SLC39A8: variants seen among roughly 807,000 people sequenced by gnomAD.
The protein encoded by SLC39A8 is solute carrier family 39 member 8.
In SLC39A8, 15 loss-of-function variants were observed where a neutral mutation model predicts 40.4. The ratio of observed to expected loss-of-function variants is 0.37; its 90% CI spans 0.25 to 0.57. The LOEUF is 0.57. Among genes scored for constraint, SLC39A8 ranks in the 20% least tolerant of loss-of-function variants. The probability of loss-of-function intolerance (pLI) is 0.75; values close to 1 mark genes in which losing one functional copy is unlikely to be tolerated. For synonymous variants in SLC39A8, 223 were observed against 221.6 expected (o/e 1.01, Z -0.06); for missense variants, 472 against 558.8 (o/e 0.84, Z 1.57).
chr4:102,339,568 A>G (rs73834754), intron 2 of SLC39A8, among the ~76,000 whole-genome samples: 56 of 152,342 alleles, frequency 3.7e-4, no homozygotes, highest in African/African-American at 1.1e-3. Context: ...CTGGCATCAC[A>G]GGGTCAGAAG....
chr4:102,251,964 T>C (rs552729226), exon 12 of SLC39A8: 2 of 152,384 alleles, frequency 1.3e-5, no homozygotes, highest in South Asian at 4.1e-4. Context: ...GCAGCACATT[T>C]TGATGGCATA....
At chr4:102,258,987 C>G (rs982791642), downstream of SLC39A8, among the ~76,000 whole-genome samples, 1 of 152,222 alleles carries the variant, frequency 6.6e-6, no homozygotes, top group African/African-American at 2.4e-5. Context: ...TCCCAACAAA[C>G]TCTACGACTG....
intron 6 of SLC39A8, among the ~76,000 whole-genome samples, chr4:102,278,973 C>A (rs1217575524): frequency 1.3e-5 from 2 of 151,320 alleles, no homozygotes. Context: ...GGGAGGGAAA[C>A]ATCACACACT....
At chr4:102,267,174 C>T (rs1228715995) in intron 8 of SLC39A8, among the ~76,000 whole-genome samples, 20 of 152,090 alleles carry the variant, frequency 1.3e-4, no homozygotes. Flanking sequence ...TAGGGACATA[C>T]TATAACATAA....
intron 2 of SLC39A8, among the ~76,000 whole-genome samples, chr4:102,321,248 T>C (rs201240987): frequency 6.6e-6 from 1 of 151,966 alleles, no homozygotes; most frequent in African/African-American, 2.4e-5. Context: ...GCAGAGGAAA[T>C]AGTCAAAAAC....
chr4:102,275,849 C>T (rs1220868096), intron 6 of SLC39A8, among the ~76,000 whole-genome samples: 2 of 152,180 alleles, frequency 1.3e-5, no homozygotes, highest in African/African-American at 4.8e-5. Context: ...AACCACACAA[C>T]TACATGGAAA....
intron 6 of SLC39A8, among the ~76,000 whole-genome samples, chr4:102,276,528 G>C (rs1414593163): frequency 6.6e-6 from 1 of 152,114 alleles, no homozygotes; most frequent in African/African-American, 2.4e-5. Flanking sequence ...CCCAGGACTA[G>C]AGAGATTCAC....
chr4:102,307,847 A>C (rs1734256118), intron 3 of SLC39A8, among the ~76,000 whole-genome samples: 1 of 152,108 alleles, frequency 6.6e-6, no homozygotes. Flanking sequence ...GGGATTAATG[A>C]GTTTTACAGC....
In SLC39A8 at chr4:102,264,954, T is replaced by C. The variant is rs140094841; in HGVS notation, c.1234-1761A>G. Among the ~76,000 whole-genome samples, 514 of 152,360 alleles carry C rather than the reference T, an allele frequency of 3.4e-3. 5 individuals are homozygous for C. The highest frequency in any genetic ancestry group is 0.012 in the African/African-American group (489 of 41,588). On this transcript the variant is annotated intron_variant, in intron 8 of 8. Transcript: ENST00000356736. ...TGCTTAACGGAATGTTGTAGCTGGT[T>C]TGATCTTTCTATCCATACCACGTAA...
chr4:102,289,579 T>C (rs1193060136), intron 6 of SLC39A8, among the ~76,000 whole-genome samples: 1 of 152,174 alleles, frequency 6.6e-6, no homozygotes, highest in Non-Finnish European at 1.5e-5. Context: ...TAGATGCCAT[T>C]AAGAACATTT....
chr4:102,311,567 C>CTA (rs1268087684), intron 3 of SLC39A8, among the ~76,000 whole-genome samples: 1 of 151,984 alleles, frequency 6.6e-6, no homozygotes, highest in Non-Finnish European at 1.5e-5. Context: ...ATTTTATCTA[C>CTA]TATATGAATT....
At chr4:102,294,217 G>A (rs1300779312) in intron 6 of SLC39A8, among the ~76,000 whole-genome samples, 3 of 151,984 alleles carry the variant, frequency 2.0e-5, no homozygotes, top group African/African-American at 7.2e-5. Context: ...TCCTACAAAT[G>A]ACAGACTCTT....
chr4:102,262,710 G>C lies in SLC39A8; in HGVS notation c.*334C>G. 1 of 1,014,884 alleles carries C rather than the reference G, an allele frequency of 9.9e-7. No individual in the cohort carries two copies. Among genetic ancestry groups the C allele is most frequent in the Non-Finnish European group, 1.2e-6 (1 of 849,468 alleles). The allele number at this position is 1,014,884 out of a possible 1,614,324, so 62.9% of individuals were successfully genotyped here. On this transcript the variant is annotated 3_prime_UTR_variant, in exon 9 of 9. Transcript: ENST00000356736. ...TTTAAAGGCTTTCAGGATATAACTT[G>C]TATTTTCCCCTGAGTCTGAGTGTCT...
intron 6 of SLC39A8, among the ~76,000 whole-genome samples, chr4:102,280,954 G>A (rs972073167): frequency 2.0e-5 from 3 of 152,086 alleles, no homozygotes; most frequent in Non-Finnish European, 4.4e-5. Flanking sequence ...AAACCTGAGA[G>A]GTTTTCAAGA....
intron 2 of SLC39A8, among the ~76,000 whole-genome samples, chr4:102,322,603 A>G (rs1735011390): frequency 6.6e-6 from 1 of 152,212 alleles, no homozygotes; most frequent in Non-Finnish European, 1.5e-5. Flanking sequence ...ATTAAATAAT[A>G]CAATACAGTA....
intron 11 of SLC39A8, among the ~76,000 whole-genome samples, chr4:102,254,416 A>T: frequency 6.6e-6 from 1 of 152,304 alleles, no homozygotes; most frequent in East Asian, 1.9e-4. Flanking sequence ...TTTTTTCCTT[A>T]TTCTCTACCA....
At chr4:102,278,097 C>T (rs1423277129) in intron 6 of SLC39A8, among the ~76,000 whole-genome samples, 1 of 152,136 alleles carries the variant, frequency 6.6e-6, no homozygotes, top group East Asian at 1.9e-4. Context: ...ATGACTAAAA[C>T]ACAAAAAGCA....
chr4:102,284,540 G>A (rs977439560), intron 6 of SLC39A8, among the ~76,000 whole-genome samples: 5 of 152,096 alleles, frequency 3.3e-5, no homozygotes, highest in South Asian at 2.1e-4. Context: ...ATCTTCCTAC[G>A]CTTTAATATA....
At chr4:102,297,726 G>A (rs1354824563) in intron 6 of SLC39A8, among the ~76,000 whole-genome samples, 1 of 151,972 alleles carries the variant, frequency 6.6e-6, no homozygotes. Flanking sequence ...AGATCAGCCT[G>A]GGCAACATAG....
Sources: allele counts gnomAD v4.1 joint callset (sites outside exome capture counted in the v4.1 genomes callset), GRCh38; gene constraint gnomAD v4.1.1; transcripts MANE v1.5; gene names NCBI Gene and HGNC (gene_info 2026-07-23, HGNC 2026-07-21).